The following WNT6 variants were observed in gnomAD, a reference collection of about 807,000 sequenced individuals.
The protein encoded by WNT6 is Wnt family member 6, also known as protein Wnt-6.
Under a neutral mutation model 33.1 loss-of-function variants are expected in WNT6, and 27 were observed. The ratio of observed to expected loss-of-function variants is 0.82; its 90% CI spans 0.60 to 1.12. WNT6 has a LOEUF of 1.12. Ranked by LOEUF, WNT6 falls within the 50% of genes most tolerant of loss-of-function variation. The pLI, the probability that WNT6 is intolerant of heterozygous loss-of-function variation, is 0.00. For synonymous variants in WNT6, 249 were observed against 242.8 expected (o/e 1.03, Z -0.24); for missense variants, 494 against 535.3 (o/e 0.92, Z 0.76).
chr2:218,871,409 C>T lies in WNT6; in HGVS notation c.302-76C>T. The stretch of plus-strand genomic sequence containing the variant: ...CCTCCCAGGCCCCTGGGGCAGCCCT[C>T]CCGCCGCAGGTTTCAGGTCCCAGGC... On this transcript the variant is annotated intron_variant, in intron 2 of 3. Transcript: ENST00000233948. This position sits in a 1 kb window ranked among gnomAD's most constrained non-coding sequence, Gnocchi z 6.4. 3 of 1,536,322 alleles carry T rather than the reference C, an allele frequency of 2.0e-6. No homozygotes were observed. Among genetic ancestry groups the T allele is most frequent in the Non-Finnish European group, 2.6e-6 (3 of 1,135,582 alleles).
chr2:218,871,481 A>G lies in WNT6; in HGVS notation c.302-4A>G, dbSNP rs1944400249. On this transcript the variant is annotated splice_polypyrimidine_tract_variant and splice_region_variant and intron_variant, in intron 2 of 3. Coordinates refer to ENST00000233948, the MANE Select transcript of WNT6 (RefSeq NM_006522.4). This position sits in a 1 kb window ranked among gnomAD's most constrained non-coding sequence, Gnocchi z 6.4. ...GCGCTGATTGCACCTGTCTGCATTC[A>G]CAGACATTCGGGAGACGGCCTTCGT... 1 of 1,596,924 alleles carries G rather than the reference A, an allele frequency of 6.3e-7. No homozygotes were observed. The highest frequency in any genetic ancestry group is 8.5e-7 in the Non-Finnish European group (1 of 1,178,982).
chr2:218,869,280 A>G (rs1314255230), intron 1 of WNT6, among the ~76,000 whole-genome samples: 1 of 152,154 alleles, frequency 6.6e-6, no homozygotes, highest in Non-Finnish European at 1.5e-5. Flanking sequence ...GTTGTAGACC[A>G]TAAAGGACTG....
chr2:218,874,074 G>C lies in WNT6; in HGVS notation c.*229G>C, dbSNP rs967223514. The C allele has an allele frequency of 9.3e-6, 5 of 536,064 alleles. No individual in the cohort carries two copies. The highest frequency in any genetic ancestry group is 1.6e-5 in the Non-Finnish European group (5 of 312,994). The allele number at this position is 536,064 out of a possible 1,614,324, so 33.2% of individuals were successfully genotyped here. A position where few individuals can be genotyped will look rare whatever the true frequency, so the allele number is the denominator to read the frequency against. The stretch of plus-strand genomic sequence containing the variant: ...AAAGGCGCTCGGGGAGCGTTTAAAG[G>C]ACACTGTACAGGCCCTCCCTCCCCT... On this transcript the variant is annotated 3_prime_UTR_variant, in exon 4 of 4. Transcript: ENST00000233948.
At chr2:218,862,230 C>A (rs963752752) in intron 1 of WNT6, among the ~76,000 whole-genome samples, 2 of 152,166 alleles carry the variant, frequency 1.3e-5, no homozygotes, top group African/African-American at 4.8e-5. Flanking sequence ...CCAGTGATAA[C>A]GTGTCTGACT....
At chr2:218,864,645 C>A (rs1366052604) in intron 1 of WNT6, among the ~76,000 whole-genome samples, 1 of 152,188 alleles carries the variant, frequency 6.6e-6, no homozygotes, top group Non-Finnish European at 1.5e-5. Context: ...TCACTCCCTT[C>A]CCCCATCCCA....
intron 1 of WNT6, among the ~76,000 whole-genome samples, chr2:218,866,009 T>A (rs1944351477): frequency 9.7e-6 from 1 of 103,584 alleles, no homozygotes; most frequent in Non-Finnish European, 2.0e-5. Context: ...TGGGTGGGGG[T>A]AGGGGCTGGG....
Position 218,873,337 on chromosome 2 carries a change from T to C in WNT6, c.637-47T>C. The C allele has an allele frequency of 6.7e-7, 1 of 1,500,544 alleles. No homozygotes were observed. The highest frequency in any genetic ancestry group is 1.2e-5 in the South Asian group (1 of 81,608). The allele number at this position is 1,500,544 out of a possible 1,614,324, so 93.0% of individuals were successfully genotyped here. A position where few individuals can be genotyped will look rare whatever the true frequency, so the allele number is the denominator to read the frequency against. On this transcript the variant is annotated intron_variant, in intron 3 of 3. Coordinates refer to ENST00000233948, the MANE Select transcript of WNT6 (RefSeq NM_006522.4). This position sits in a 1 kb window ranked among gnomAD's most constrained non-coding sequence, Gnocchi z 6.1. ...TCTGTCCATCCGCTGGGCCCTTCCCTGCACCCCCTACCTGTCCACATGCGT... is the reference window on the plus strand; with the variant it reads ...TCTGTCCATCCGCTGGGCCCTTCCCCGCACCCCCTACCTGTCCACATGCGT...
rs1435851644 is a variant in WNT6 at position 218,868,384 on chromosome 2, C to T, written c.81-2643C>T. Among the ~76,000 whole-genome samples the T allele has an allele frequency of 2.6e-5, 4 of 152,238 alleles. No individual in the cohort carries two copies. In the East Asian group the frequency reaches 5.8e-4, roughly 22 times the overall value. On this transcript the variant is annotated intron_variant, in intron 1 of 3. Coordinates refer to ENST00000233948, the MANE Select transcript of WNT6 (RefSeq NM_006522.4). ...GAGGAGGGAGAGGAGAAGGATGGGGCAGAGTAACCTTGGGAAGATAAGGCC... is the reference window on the plus strand; with the variant it reads ...GAGGAGGGAGAGGAGAAGGATGGGGTAGAGTAACCTTGGGAAGATAAGGCC...
chr2:218,871,302 G>C lies in WNT6; in HGVS notation c.301+55G>C. 1.3e-6 allele frequency: 2 copies of C among 1,559,032 alleles called. No homozygotes were observed. Among genetic ancestry groups the C allele is most frequent in the Non-Finnish European group, 1.7e-6 (2 of 1,146,062 alleles). On this transcript the variant is annotated intron_variant, in intron 2 of 3. Transcript: ENST00000233948. This position sits in a 1 kb window ranked among gnomAD's most constrained non-coding sequence, Gnocchi z 6.4. ...CTGCTTTCTCCCTGCTGTGGGACCC[G>C]AGGAGAGGAGAACTGGTTCGCTGAA...
intron 1 of WNT6, 80 bp downstream of exon 1, chr2:218,860,197 C>A: frequency 7.7e-7 from 1 of 1,293,358 alleles, no homozygotes; most frequent in Non-Finnish European, 1.0e-6. Context: ...GGGTGTTCCG[C>A]AGCCTCCCGG....
intron 1 of WNT6, among the ~76,000 whole-genome samples, chr2:218,866,838 T>C (rs1944358396): frequency 6.6e-6 from 1 of 152,224 alleles, no homozygotes. Context: ...ATGAGCTTAT[T>C]GTCTTCGATG....
chr2:218,862,737 G>T (rs1232379644), intron 1 of WNT6, among the ~76,000 whole-genome samples: 4 of 151,486 alleles, frequency 2.6e-5, no homozygotes, highest in African/African-American at 9.7e-5. Flanking sequence ...ACGGAGTCTC[G>T]TTGTGTCGCC....
Position 218,867,079 on chromosome 2 carries a change from G to A in WNT6, c.81-3948G>A, listed in dbSNP as rs758019443. Among the ~76,000 whole-genome samples the A allele has an allele frequency of 6.6e-6, 1 of 152,144 alleles. No individual in the cohort carries two copies. Among genetic ancestry groups the A allele is most frequent in the Non-Finnish European group, 1.5e-5 (1 of 68,014 alleles). On this transcript the variant is annotated intron_variant, in intron 1 of 3. Transcript: ENST00000233948. The surrounding 1 kb of genome is among the most constrained non-coding windows in gnomAD (Gnocchi z 4.9). ...GTGGGTCTGAATCCAGAATTTTAGCGATGTTATCTGGAATAGATTCAGAGT... is the reference window on the plus strand; with the variant it reads ...GTGGGTCTGAATCCAGAATTTTAGCAATGTTATCTGGAATAGATTCAGAGT...
intron 1 of WNT6, among the ~76,000 whole-genome samples, chr2:218,870,575 G>A (rs1248242461): frequency 6.6e-6 from 1 of 152,180 alleles, no homozygotes; most frequent in Non-Finnish European, 1.5e-5. Flanking sequence ...GGTCCACTAG[G>A]ACCATATCAT....
chr2:218,868,599 G>C (rs1944372707), intron 1 of WNT6, among the ~76,000 whole-genome samples: 1 of 152,170 alleles, frequency 6.6e-6, no homozygotes, highest in Non-Finnish European at 1.5e-5. Context: ...TTCCCAGTGG[G>C]GGAAAAGAGC....
chr2:218,869,616 T>A (rs1211240973), intron 1 of WNT6, among the ~76,000 whole-genome samples: 2 of 152,222 alleles, frequency 1.3e-5, no homozygotes, highest in African/African-American at 4.8e-5. Flanking sequence ...AATTACCCTC[T>A]GCTCCCAGAT....
rs2106007014 is a variant in WNT6 at position 218,873,848 on chromosome 2, C to A, written c.*3C>A. 1.4e-6 allele frequency: 2 copies of A among 1,472,042 alleles called. No individual in the cohort carries two copies. The highest frequency in any genetic ancestry group is 1.5e-5 in the African/African-American group (1 of 68,498). The allele number at this position is 1,472,042 out of a possible 1,614,324, so 91.2% of individuals were successfully genotyped here. A position where few individuals can be genotyped will look rare whatever the true frequency, so the allele number is the denominator to read the frequency against. ...AGGAGCTCAGCCTCTGCCTGTGACC[C>A]GCCGCCCGGCCGCTAGACTGACTTC... is the stretch of plus-strand genomic sequence containing the variant. On this transcript the variant is annotated 3_prime_UTR_variant, in exon 4 of 4. Transcript: ENST00000233948. The surrounding 1 kb of genome is among the most constrained non-coding windows in gnomAD (Gnocchi z 6.1).
rs1559408905 is a variant in WNT6, at chr2:218,871,446, G to GC, written c.302-35dup. On this transcript the variant is annotated intron_variant, in intron 2 of 3. Transcript: ENST00000233948. This position sits in a 1 kb window ranked among gnomAD's most constrained non-coding sequence, Gnocchi z 6.4. ...TTCAGGTCCCAGGCCCCAGCTGACC[G>GC]CCCCAGCCCGCGCTGATTGCACCTG... 7 of 1,586,286 alleles carry GC rather than the reference G, an allele frequency of 4.4e-6. No individual in the cohort carries two copies. The highest frequency in any genetic ancestry group is 5.1e-6 in the Non-Finnish European group (6 of 1,172,016).
intron 1 of WNT6, among the ~76,000 whole-genome samples, chr2:218,865,228 C>T (rs545364106): frequency 3.9e-5 from 6 of 152,316 alleles, no homozygotes; most frequent in African/African-American, 7.2e-5. Flanking sequence ...GGGGATGAGG[C>T]GAGGGCAGTG....
Sources: allele counts gnomAD v4.1 joint callset (sites outside exome capture counted in the v4.1 genomes callset), GRCh38; gene constraint gnomAD v4.1.1; non-coding constraint Gnocchi (gnomAD v3.1); transcripts MANE v1.5; gene names NCBI Gene and HGNC (gene_info 2026-07-23, HGNC 2026-07-21).